Variants in RBFOX1 observed in about 807,000 individuals in gnomAD.
RBFOX1 encodes the protein RNA binding protein fox-1 homolog 1.
RBFOX1 carries 8 observed loss-of-function variants against 57.7 expected under a neutral mutation model. That is an observed-to-expected ratio of 0.14 (90% CI 0.08 to 0.25). The LOEUF is 0.25. Ranked by LOEUF, RBFOX1 falls within the 10% of genes least tolerant of loss-of-function variation. The pLI is 1.00. For missense variants in RBFOX1, 611 were observed against 548.5 expected, an observed-to-expected ratio of 1.11 and a Z score of -1.14; for synonymous variants, 326 against 222.4, an observed-to-expected ratio of 1.47 and a Z score of -4.15.
At chr16:7,595,109 G>A (rs116263768) in intron 7 of RBFOX1, among the ~76,000 whole-genome samples, 58 of 152,248 alleles carry the variant, frequency 3.8e-4, no homozygotes, top group African/African-American at 1.4e-3. Flanking sequence ...AATGTTAGAG[G>A]ATTTTGGCAT....
intron 4 of RBFOX1, among the ~76,000 whole-genome samples, chr16:7,092,128 A>G (rs1051948605): frequency 6.6e-6 from 1 of 152,256 alleles, no homozygotes; most frequent in Non-Finnish European, 1.5e-5. Context: ...AGATGTTTTT[A>G]TAACATGCAC....
intron 3 of RBFOX1, among the ~76,000 whole-genome samples, chr16:6,661,890 G>T (rs1479897595): frequency 6.6e-6 from 1 of 152,136 alleles, no homozygotes; most frequent in Non-Finnish European, 1.5e-5. Flanking sequence ...TGGCTATAAG[G>T]ATATATGAGA....
intron 4 of RBFOX1, among the ~76,000 whole-genome samples, chr16:7,499,281 T>C (rs972419669): frequency 6.6e-6 from 1 of 152,148 alleles, no homozygotes; most frequent in Non-Finnish European, 1.5e-5. Flanking sequence ...CACCCATTCA[T>C]CTTCAGATGG....
intron 1 of RBFOX1, among the ~76,000 whole-genome samples, chr16:5,417,190 G>T (rs1044619423): frequency 6.6e-6 from 1 of 152,206 alleles, no homozygotes; most frequent in Non-Finnish European, 1.5e-5. Flanking sequence ...GATTTAATCA[G>T]TCACATATTT....
At chr16:6,840,776 A>C (rs143834616) in intron 3 of RBFOX1, among the ~76,000 whole-genome samples, 2 of 151,476 alleles carry the variant, frequency 1.3e-5, no homozygotes, top group Non-Finnish European at 2.9e-5. Flanking sequence ...AGTCCCAGCT[A>C]CTCGGGAGGC....
intron 4 of RBFOX1, among the ~76,000 whole-genome samples, chr16:7,282,855 C>T (rs758153019): frequency 6.6e-6 from 1 of 152,200 alleles, no homozygotes; most frequent in African/African-American, 2.4e-5. Flanking sequence ...TCCTGAGTTA[C>T]TTCACTTAGA....
At chr16:5,284,756 ATTTTTTTT>A (rs1166998032) in intron 1 of RBFOX1, among the ~76,000 whole-genome samples, 24 of 61,050 alleles carry the variant, frequency 3.9e-4, no homozygotes, top group South Asian at 1.6e-3. Flanking sequence ...TTTGGCTTAG[ATTTTTTTT>A]TTTTTTTTTT....
chr16:6,096,723 T>C (rs1049374294), intron 1 of RBFOX1, among the ~76,000 whole-genome samples: 1 of 152,206 alleles, frequency 6.6e-6, no homozygotes, highest in Admixed American at 6.5e-5. Flanking sequence ...ACCATCATTG[T>C]CACTACGAAA....
intron 2 of RBFOX1, among the ~76,000 whole-genome samples, chr16:6,506,903 C>T (rs921628791): frequency 6.6e-6 from 1 of 152,126 alleles, no homozygotes; most frequent in African/African-American, 2.4e-5. Flanking sequence ...CTGCCTTGGC[C>T]TCCCAAAGTG....
chr16:5,423,950 C>T lies in RBFOX1; in HGVS notation c.220-43266C>T, dbSNP rs116260572. ...TGACAACCTTGTGAGGTTTTCTGGG[C>T]ATTATTACCCGAAGCTCGGGGCTTT... On this transcript the variant is annotated intron_variant, in intron 1 of 2. Transcript: ENST00000585867. Among the ~76,000 whole-genome samples the T allele has an allele frequency of 4.4e-3, 664 of 152,254 alleles. 7 individuals are homozygous for T. Among genetic ancestry groups the T allele is most frequent in the African/African-American group, 0.014 (569 of 41,534 alleles).
chr16:5,978,706 T>A (rs1483190083), intron 4 of RBFOX1, among the ~76,000 whole-genome samples: 4 of 152,018 alleles, frequency 2.6e-5, no homozygotes, highest in Non-Finnish European at 5.9e-5. Context: ...GTTGTTTTTT[T>A]AAATGATGAC....
At chr16:7,581,886 TA>T (rs1277284670) in intron 6 of RBFOX1, among the ~76,000 whole-genome samples, 22 of 151,318 alleles carry the variant, frequency 1.5e-4, no homozygotes, top group South Asian at 6.3e-4. Context: ...AATTTTTAAG[TA>T]TTTTTTTTTA....
intron 4 of RBFOX1, among the ~76,000 whole-genome samples, chr16:7,403,272 A>C (rs1441436907): frequency 6.6e-6 from 1 of 152,168 alleles, no homozygotes; most frequent in East Asian, 1.9e-4. Context: ...GCAAACTTCA[A>C]GTATACAATA....
At chr16:6,881,740 GC>G (rs147205663) in intron 3 of RBFOX1, among the ~76,000 whole-genome samples, 1,830 of 152,288 alleles carry the variant, frequency 0.012, 22 homozygotes, top group Non-Finnish European at 0.02. Context: ...CACACTGGGT[GC>G]CTACCATGAG....
chr16:7,221,793 T>C (rs978324520), intron 4 of RBFOX1, among the ~76,000 whole-genome samples: 1 of 152,240 alleles, frequency 6.6e-6, no homozygotes, highest in African/African-American at 2.4e-5. Flanking sequence ...TCTTATCTTT[T>C]ACAAGCGAGA....
chr16:7,345,714 C>T (rs1475752385), intron 4 of RBFOX1, among the ~76,000 whole-genome samples: 1 of 152,206 alleles, frequency 6.6e-6, no homozygotes, highest in East Asian at 1.9e-4. Flanking sequence ...CCTTTCATTA[C>T]TGAGGATAAT....
intron 2 of RBFOX1, among the ~76,000 whole-genome samples, chr16:6,335,776 C>CAAAAAAAAAAAAAAA (rs57151962): frequency 9.8e-5 from 5 of 50,930 alleles, no homozygotes; most frequent in African/African-American, 2.8e-4. Context: ...AGACTGTCTC[C>CAAAAAAAAAAAAAAA]AAAAAAAAAA....
At chr16:7,689,275 C>G (rs1033981204) in intron 14 of RBFOX1, among the ~76,000 whole-genome samples, 1 of 152,074 alleles carries the variant, frequency 6.6e-6, no homozygotes, top group African/African-American at 2.4e-5. Context: ...CATTGGTAAT[C>G]CTTCCTCTTC....
intron 4 of RBFOX1, among the ~76,000 whole-genome samples, chr16:7,333,895 G>C (rs188351615): frequency 3.3e-5 from 5 of 152,226 alleles, no homozygotes; most frequent in African/African-American, 1.2e-4. Flanking sequence ...AGAAATCCAA[G>C]GTGGCTTTTT....
Sources: allele counts gnomAD v4.1 joint callset (sites outside exome capture counted in the v4.1 genomes callset), GRCh38; gene constraint gnomAD v4.1.1; transcripts MANE v1.5; gene names NCBI Gene and HGNC (gene_info 2026-07-23, HGNC 2026-07-21).